The following PKD1L1 variants were observed in gnomAD, a reference collection of about 807,000 sequenced individuals.
PKD1L1 encodes polycystin-1-like protein 1.
In PKD1L1, 236 loss-of-function variants were observed where a neutral mutation model predicts 323.4. The ratio of observed to expected loss-of-function variants is 0.73; its 90% CI spans 0.66 to 0.81. The LOEUF (loss-of-function observed/expected upper bound fraction) is 0.81. Ranked by LOEUF, PKD1L1 falls within the 40% of genes least tolerant of loss-of-function variation. The pLI is 0.00. For missense variants in PKD1L1, 3,320 were observed against 3,508.0 expected (o/e 0.95, Z 1.35); for synonymous variants, 1,344 against 1,335.0 (o/e 1.01, Z -0.15).
At chr7:47,882,748 C>A (rs1786592138) in intron 19 of PKD1L1, among the ~76,000 whole-genome samples, 1 of 152,130 alleles carries the variant, frequency 6.6e-6, no homozygotes, top group Non-Finnish European at 1.5e-5. Flanking sequence ...AGGGTCACAT[C>A]ATGCTGGGTG....
At chr7:47,836,392 C>T (rs752691296) in intron 37 of PKD1L1, among the ~76,000 whole-genome samples, 10 of 152,132 alleles carry the variant, frequency 6.6e-5, no homozygotes, top group Non-Finnish European at 8.8e-5. Flanking sequence ...CCTCAGTCCA[C>T]GTCCTGCTGT....
chr7:47,800,622 T>C (rs1296824664), intron 54 of PKD1L1, 27 bp downstream of exon 54: 3 of 1,604,832 alleles, frequency 1.9e-6, no homozygotes, highest in Non-Finnish European at 2.6e-6. Context: ...AAACCATAAC[T>C]TGAAAGTTGG....
chr7:47,805,086 TACACAC>T (rs59085691), intron 52 of PKD1L1, among the ~76,000 whole-genome samples: 63,416 of 150,012 alleles, frequency 0.42, 13,696 homozygotes, highest in East Asian at 0.57. Flanking sequence ...CCTGTACAAA[TACACAC>T]ACACACACAC....
At chr7:47,783,506 T>G (rs573700107) in intron 56 of PKD1L1, among the ~76,000 whole-genome samples, 5 of 152,322 alleles carry the variant, frequency 3.3e-5, no homozygotes, top group African/African-American at 1.2e-4. Context: ...TTGTTCTTCC[T>G]CCAGAACAAA....
intron 4 of PKD1L1, among the ~76,000 whole-genome samples, chr7:47,933,931 C>T (rs1787819616): frequency 6.6e-6 from 1 of 152,166 alleles, no homozygotes; most frequent in Non-Finnish European, 1.5e-5. Flanking sequence ...GCTCTGCTAC[C>T]TTCAAGATTT....
intron 41 of PKD1L1, 97 bp downstream of exon 41, chr7:47,832,993 T>C (rs1785378377): frequency 1.4e-6 from 2 of 1,434,588 alleles, no homozygotes; most frequent in Non-Finnish European, 1.9e-6. Context: ...TTCAGTGACA[T>C]TTGGCCCAAT....
At chr7:47,857,986 G>A (rs1257189572) in intron 27 of PKD1L1, among the ~76,000 whole-genome samples, 154 bp from the exon 28 acceptor site, 12 of 152,214 alleles carry the variant, frequency 7.9e-5, no homozygotes, top group Non-Finnish European at 1.6e-4. Context: ...AGGGCTCAGC[G>A]CTGGGTAAGT....
the PKD1L1 span, among the ~76,000 whole-genome samples, chr7:47,959,794 G>A: frequency 6.7e-6 from 1 of 149,292 alleles, no homozygotes; most frequent in East Asian, 2.0e-4. Flanking sequence ...GGGAGGTGAG[G>A]GGCGCCTCTG....
At chr7:47,944,515 T>G (rs1788058378) in intron 1 of PKD1L1, among the ~76,000 whole-genome samples, 1 of 152,190 alleles carries the variant, frequency 6.6e-6, no homozygotes, top group Non-Finnish European at 1.5e-5. Context: ...TCAGCGAAGC[T>G]CACACCATCA....
At chr7:47,930,553 C>T (rs1787747941) in intron 6 of PKD1L1, among the ~76,000 whole-genome samples, 1 of 50,738 alleles carries the variant, frequency 2.0e-5, no homozygotes, top group Admixed American at 2.0e-4. Flanking sequence ...TGCAGTGGCT[C>T]ATGCCTGAAT....
rs1202912855 is a variant in PKD1L1 at position 47,890,583 on chromosome 7, C to G, written c.2634G>C (p.Glu878Asp). 6.2e-7 allele frequency: 1 copy of G among 1,614,032 alleles called. No homozygotes were observed. The highest frequency in any genetic ancestry group is 8.5e-7 in the Non-Finnish European group (1 of 1,180,056). Residue 878 changes from glutamate (E) to aspartate (D), a missense_variant, in exon 16 of 57, where the codon GAG becomes GAC. Physicochemically the swap from Glu to Asp is conservative, Grantham distance 45 (BLOSUM62 2). Coordinates refer to ENST00000289672, the MANE Select transcript of PKD1L1 (RefSeq NM_138295.5). ...RVSSGGRNSS[E>D]TRVFLSPYPD... The stretch of plus-strand genomic sequence containing the variant: ...GGTAGGGGGACAGGAACACCCGGGT[C>G]TCAGAAGAGTTCCGGCCACCACTGG...
rs752618290 is a variant in PKD1L1 at position 47,893,904 on chromosome 7, G to A, written c.2427C>T (p.Asp809=). 2.5e-6 allele frequency: 4 copies of A among 1,613,780 alleles called. No homozygotes were observed. In the South Asian group the frequency reaches 4.4e-5, roughly 18 times the overall value. ...TGAGAGTCGCCCCAGGGTCGTCAGG[G>A]TCGAAGGACTGGGTCCCTCTGAGGA... is the stretch of plus-strand genomic sequence containing the variant. ...PIVLRGTQSF[D]PDDPGATLRY... is the part of the protein sequence containing the mutation. The change falls in exon 15 of 57, where the codon GAC becomes GAT. Residue 809 remains aspartate, a synonymous_variant. Transcript: ENST00000289672.
intron 53 of PKD1L1, among the ~76,000 whole-genome samples, chr7:47,801,240 G>A (rs948322540): frequency 6.6e-6 from 1 of 152,160 alleles, no homozygotes; most frequent in Non-Finnish European, 1.5e-5. Flanking sequence ...CCATGAGGGG[G>A]CAGCTCCCTC....
intron 49 of PKD1L1, 133 bp downstream of exon 49, chr7:47,812,988 T>A: frequency 9.4e-7 from 1 of 1,060,062 alleles, no homozygotes; most frequent in African/African-American, 1.6e-5. Context: ...CTGGAGCCCC[T>A]GGCAGTGGTG....
chr7:47,775,901 G>A (rs190394704), intron 56 of PKD1L1, among the ~76,000 whole-genome samples: 1 of 150,594 alleles, frequency 6.6e-6, no homozygotes, highest in African/African-American at 2.4e-5. Context: ...CTCTAGCCAG[G>A]ATGATAACAA....
At chr7:47,925,234 G>A (rs1234003227) in intron 7 of PKD1L1, among the ~76,000 whole-genome samples, 1 of 152,150 alleles carries the variant, frequency 6.6e-6, no homozygotes, top group East Asian at 1.9e-4. Flanking sequence ...TTCAGGCCGG[G>A]TGCAGTGGTT....
At chr7:47,953,112 TAC>T (rs559150760), upstream of PKD1L1, among the ~76,000 whole-genome samples, 43 of 152,292 alleles carry the variant, frequency 2.8e-4, 1 homozygote, top group Admixed American at 2.4e-3. Flanking sequence ...CTTTCAGCAC[TAC>T]AGTTTGGTGA....
intron 54 of PKD1L1, among the ~76,000 whole-genome samples, chr7:47,800,123 G>C (rs1784626870): frequency 6.6e-6 from 1 of 152,186 alleles, no homozygotes; most frequent in Non-Finnish European, 1.5e-5. Context: ...GACCATGGGG[G>C]AGACTCTTCT....
intron 25 of PKD1L1, 97 bp from the exon 26 acceptor site, chr7:47,865,369 G>C (rs1484894592): frequency 9.3e-7 from 1 of 1,075,928 alleles, no homozygotes; most frequent in Non-Finnish European, 1.4e-6. Context: ...TGTAGAAATA[G>C]TACAGATTCC....
Sources: allele counts gnomAD v4.1 joint callset (sites outside exome capture counted in the v4.1 genomes callset), GRCh38; gene constraint gnomAD v4.1.1; transcripts MANE v1.5; gene names NCBI Gene and HGNC (gene_info 2026-07-23, HGNC 2026-07-21).